The following COL15A1 variants were observed in gnomAD, a reference collection of about 807,000 sequenced individuals.
The protein encoded by COL15A1 is collagen alpha-1(XV) chain.
Under a neutral mutation model 165.9 loss-of-function variants are expected in COL15A1, and 111 were observed. The observed-to-expected ratio is 0.67, with a 90% CI of 0.57 to 0.78. The LOEUF (loss-of-function observed/expected upper bound fraction) is 0.78. Among genes scored for constraint, COL15A1 ranks in the 30% least tolerant of loss-of-function variants. COL15A1 has a pLI of 0.00. For synonymous variants in COL15A1, 659 were observed against 674.8 expected, an observed-to-expected ratio of 0.98 and a Z score of 0.36; for missense variants, 1,745 against 1,789.7, an observed-to-expected ratio of 0.98 and a Z score of 0.45.
At chr9:98,993,889 C>G (rs1474380623) in intron 5 of COL15A1, among the ~76,000 whole-genome samples, 2 of 152,158 alleles carry the variant, frequency 1.3e-5, no homozygotes, top group Non-Finnish European at 2.9e-5. Flanking sequence ...TCCAGCCTGC[C>G]ACCCTTTGAG....
intron 9 of COL15A1, among the ~76,000 whole-genome samples, chr9:99,007,077 G>A (rs1428160487): frequency 6.6e-6 from 1 of 152,124 alleles, no homozygotes; most frequent in Non-Finnish European, 1.5e-5. Flanking sequence ...AGAAAAGCAG[G>A]ACAACTCAAA....
chr9:98,986,542 A>G (rs1838316701), intron 3 of COL15A1: 1 of 159,254 alleles, frequency 6.3e-6, no homozygotes, highest in African/African-American at 2.4e-5. Flanking sequence ...GGTGGGATAC[A>G]CTAGAATACC....
intron 9 of COL15A1, among the ~76,000 whole-genome samples, chr9:99,011,178 C>T (rs564931445): frequency 6.6e-6 from 1 of 152,212 alleles, no homozygotes; most frequent in African/African-American, 2.4e-5. Context: ...AAGAGTAAAG[C>T]AATACCTTAA....
chr9:99,018,618 T>G lies in COL15A1; in HGVS notation c.1648-1771T>G, dbSNP rs540913962. ...TAATAGAGAAAAATTGGGCATAATT[T>G]AATTAGCCAACAATAGAAGATTAAT... is the stretch of plus-strand genomic sequence containing the variant. On this transcript the variant is annotated intron_variant, in intron 11 of 41. Coordinates refer to ENST00000375001, the MANE Select transcript of COL15A1 (RefSeq NM_001855.5). Among the ~76,000 whole-genome samples the G allele has an allele frequency of 5.3e-5, 8 of 152,322 alleles. No homozygotes were observed. The South Asian group carries it at 1.7e-3, about 32-fold the overall frequency.
intron 6 of COL15A1, 63 bp downstream of exon 6, chr9:98,997,144 C>T (rs778195228): frequency 2.4e-5 from 38 of 1,591,804 alleles, no homozygotes; most frequent in African/African-American, 2.7e-5. Context: ...TGTGTCCAGC[C>T]GGGGCCATGT....
chr9:98,996,463 T>C, intron 5 of COL15A1, among the ~76,000 whole-genome samples: 1 of 152,284 alleles, frequency 6.6e-6, no homozygotes, highest in African/African-American at 2.4e-5. Context: ...GGAAAAGCTA[T>C]ATAGATGCTG....
chr9:99,065,228 G>T (rs1457633053), intron 39 of COL15A1, among the ~76,000 whole-genome samples: 1 of 152,196 alleles, frequency 6.6e-6, no homozygotes, highest in South Asian at 2.1e-4. Flanking sequence ...GAGGTGGCAA[G>T]GAAGCCCTGC....
intron 2 of COL15A1, among the ~76,000 whole-genome samples, chr9:98,956,321 C>T (rs1390798333): frequency 6.6e-6 from 1 of 151,958 alleles, no homozygotes. Context: ...CAAAAACAAA[C>T]AAAGAAACAA....
At chr9:99,007,085 A>G (rs1439726670) in intron 9 of COL15A1, among the ~76,000 whole-genome samples, 1 of 152,200 alleles carries the variant, frequency 6.6e-6, no homozygotes, top group Non-Finnish European at 1.5e-5. Flanking sequence ...AGGACAACTC[A>G]AAGTAGGGAG....
chr9:98,990,897 T>G (rs1838410238), intron 5 of COL15A1, among the ~76,000 whole-genome samples: 1 of 152,108 alleles, frequency 6.6e-6, no homozygotes, highest in African/African-American at 2.4e-5. Context: ...AAAGGTAGTG[T>G]GTCTGGAGTT....
chr9:98,989,023 GACACACACACACACACACACACACAC>G (rs67974914), intron 4 of COL15A1, among the ~76,000 whole-genome samples, 129 bp from the exon 5 acceptor site: 1 of 144,296 alleles, frequency 6.9e-6, no homozygotes, highest in Non-Finnish European at 1.5e-5. Context: ...GTCTCTCATA[GACACACACACACACACACACACACAC>G]ACACACACAC....
At chr9:99,041,964 T>G in intron 23 of COL15A1, 81 bp from the exon 24 acceptor site, 1 of 936,686 alleles carries the variant, frequency 1.1e-6, no homozygotes, top group Non-Finnish European at 1.7e-6. Context: ...TATTCTACTG[T>G]TGAGAAAAAA....
At chr9:99,028,546 G>A (rs1409751530) in intron 16 of COL15A1, among the ~76,000 whole-genome samples, 1 of 152,148 alleles carries the variant, frequency 6.6e-6, no homozygotes, top group Non-Finnish European at 1.5e-5. Context: ...AGCTGCTCGG[G>A]AGGCTGAGGT....
At position 99,059,514 on chromosome 9, in the gene COL15A1, G is replaced by A. The variant is rs142770968; in HGVS notation, c.3338-375G>A. Among the ~76,000 whole-genome samples, 1,131 of 152,338 alleles carry A rather than the reference G, an allele frequency of 7.4e-3. 12 individuals are homozygous for A. Among genetic ancestry groups the A allele is most frequent in the African/African-American group, 0.026 (1,085 of 41,570 alleles). ...TTTCTGAGCCTGCTTCCTCTGTTCA[G>A]TGTCACATGCTTGTCTCTTGGGTGA... On this transcript the variant is annotated intron_variant, in intron 35 of 41. Transcript: ENST00000375001.
In COL15A1 at chr9:99,025,965, A is replaced by T. The variant is rs140757478; in HGVS notation, c.2042A>T (p.Lys681Met). The T allele has an allele frequency of 2.6e-5, 42 of 1,610,532 alleles. No homozygotes were observed. Among genetic ancestry groups the T allele is most frequent in the Non-Finnish European group, 3.6e-5 (42 of 1,178,494 alleles). ...GGCCTTCCCGGGATGAAAGGGGAGA[A>T]GGTACGGGGAACACGGGAGGGTCCC... ...ATGLPGMKGE[K>M]GARGPNGSVG... The change falls in exon 16 of 42, where the codon AAG becomes ATG. Residue 681 changes from lysine (K) to methionine (M), a missense_variant and splice_region_variant. By Grantham distance (95) the Lys-to-Met change is moderately conservative (BLOSUM62 -1). Coordinates refer to ENST00000375001, the MANE Select transcript of COL15A1 (RefSeq NM_001855.5).
Position 99,056,326 on chromosome 9 carries a change from C to A in COL15A1, c.3259C>A (p.Pro1087Thr). 1 of 1,614,028 alleles carries A rather than the reference C, an allele frequency of 6.2e-7. No individual in the cohort carries two copies. Residue 1087 changes from proline (P) to threonine (T), a missense_variant, in exon 35 of 42, where the codon CCT becomes ACT. Transcript: ENST00000375001. The part of the protein sequence containing the change: ...PPGAPGLPGP[P>T]GFGRPGDPGP... The stretch of plus-strand genomic sequence containing the variant: ...AGGTGCTCCTGGTCTGCCTGGGCCA[C>A]CTGGCTTTGGAAGACCTGGTGATCC...
chr9:98,968,946 T>C (rs1246787849), intron 2 of COL15A1, among the ~76,000 whole-genome samples: 2 of 152,226 alleles, frequency 1.3e-5, no homozygotes, highest in Non-Finnish European at 2.9e-5. Flanking sequence ...CATTTCAGCA[T>C]GTTCAGATTT....
Position 98,994,616 on chromosome 9 carries a change from G to A in COL15A1, c.805-2318G>A, listed in dbSNP as rs558876683. 8.5e-5 allele frequency among the ~76,000 whole-genome samples: 13 copies of A among 152,270 alleles called. No homozygotes were observed. The South Asian group carries it at 2.3e-3, about 27-fold the overall frequency. On this transcript the variant is annotated intron_variant, in intron 5 of 41. Transcript: ENST00000375001. ...GCTTGAGGACAGACACGCTGTCTTA[G>A]TTATTCATTTCTGTGTCCCCAGGGC...
intron 22 of COL15A1, among the ~76,000 whole-genome samples, chr9:99,039,118 C>T (rs1207626764): frequency 6.6e-6 from 1 of 152,196 alleles, no homozygotes; most frequent in Non-Finnish European, 1.5e-5. Context: ...AAGAAATGGA[C>T]TCATTCTAGT....
Sources: allele counts gnomAD v4.1 joint callset (sites outside exome capture counted in the v4.1 genomes callset), GRCh38; gene constraint gnomAD v4.1.1; transcripts MANE v1.5; gene names NCBI Gene and HGNC (gene_info 2026-07-23, HGNC 2026-07-21).